MEGF11: variants seen among roughly 807,000 people sequenced by gnomAD.
MEGF11 encodes multiple epidermal growth factor-like domains protein 11.
MEGF11 carries 126 observed loss-of-function variants against 146.6 expected under a neutral mutation model. The observed-to-expected ratio is 0.86, with a 90% CI of 0.74 to 1.00. MEGF11 has a LOEUF of 1.00. Ranked by LOEUF, MEGF11 falls within the 50% of genes least tolerant of loss-of-function variation. MEGF11 has a pLI of 0.00. For missense variants in MEGF11, 1,509 were observed against 1,521.2 expected (o/e 0.99, Z 0.13); for synonymous variants, 532 against 583.4 (o/e 0.91, Z 1.27).
chr15:66,070,104 G>C (rs1261333719), intron 5 of MEGF11, among the ~76,000 whole-genome samples: 6 of 152,374 alleles, frequency 3.9e-5, no homozygotes, highest in African/African-American at 1.4e-4. Flanking sequence ...AAAGACTGGA[G>C]TGAAAGTCAC....
intron 7 of MEGF11, among the ~76,000 whole-genome samples, chr15:65,972,943 C>A (rs1042566547): frequency 6.6e-6 from 1 of 152,076 alleles, no homozygotes; most frequent in African/African-American, 2.4e-5. Flanking sequence ...CATAGAGAAA[C>A]CCCGTCTCTA....
chr15:66,159,720 GTGGTACCTTCTGGGGACCTTT>G (rs1187772447), intron 1 of MEGF11, among the ~76,000 whole-genome samples: 20 of 152,184 alleles, frequency 1.3e-4, no homozygotes, highest in Admixed American at 1.3e-3. Context: ...TCTTGGTGCA[GTGGTACCTTCTGGGGACCTTT>G]TGGGGAAGGG....
At chr15:65,997,834 T>C (rs2141816290) in intron 5 of MEGF11, among the ~76,000 whole-genome samples, 1 of 152,254 alleles carries the variant, frequency 6.6e-6, no homozygotes, top group South Asian at 2.1e-4. Flanking sequence ...TAGAAAACAA[T>C]GAGAGGGACT....
At chr15:66,249,004 T>C in intron 1 of MEGF11, among the ~76,000 whole-genome samples, 1 of 152,248 alleles carries the variant, frequency 6.6e-6, no homozygotes, top group East Asian at 1.9e-4. Flanking sequence ...CTTTTGGGTC[T>C]AATTAACACA....
chr15:66,185,003 T>C (rs2090657937), intron 1 of MEGF11, among the ~76,000 whole-genome samples: 1 of 152,164 alleles, frequency 6.6e-6, no homozygotes, highest in Non-Finnish European at 1.5e-5. Context: ...AAGTGTTTCA[T>C]TCCTGCTTGT....
At chr15:66,131,258 C>T (rs1014364411) in intron 1 of MEGF11, among the ~76,000 whole-genome samples, 2 of 152,252 alleles carry the variant, frequency 1.3e-5, no homozygotes, top group Non-Finnish European at 2.9e-5. Context: ...GTGTTGTCAG[C>T]CCACATGGCC....
At chr15:66,149,905 A>C (rs1161365710) in intron 1 of MEGF11, among the ~76,000 whole-genome samples, 2 of 152,238 alleles carry the variant, frequency 1.3e-5, no homozygotes, top group Non-Finnish European at 2.9e-5. Flanking sequence ...ATCACTCAGC[A>C]CTGGGCTCTT....
chr15:66,137,655 G>T (rs967831065), intron 1 of MEGF11, among the ~76,000 whole-genome samples: 1 of 150,768 alleles, frequency 6.6e-6, no homozygotes, highest in African/African-American at 2.4e-5. Flanking sequence ...CTGGGCTTAA[G>T]AGAGCCTCCC....
chr15:66,130,977 T>G (rs1240767961), intron 1 of MEGF11, among the ~76,000 whole-genome samples: 1 of 152,188 alleles, frequency 6.6e-6, no homozygotes, highest in African/African-American at 2.4e-5. Context: ...GTTAACATAT[T>G]GGGCACCATC....
At chr15:65,912,287 T>A (rs910028404) in intron 20 of MEGF11, 87 bp from the exon 21 acceptor site, 25 of 798,842 alleles carry the variant, frequency 3.1e-5, no homozygotes, top group Non-Finnish European at 4.2e-5. Flanking sequence ...GCTGGGAGCC[T>A]TGAGAGAGCC....
chr15:66,230,547 T>C (rs1376885582), intron 1 of MEGF11, among the ~76,000 whole-genome samples: 1 of 152,202 alleles, frequency 6.6e-6, no homozygotes, highest in East Asian at 1.9e-4. Flanking sequence ...ACTTTAGGAA[T>C]AAGAATAATA....
intron 1 of MEGF11, among the ~76,000 whole-genome samples, chr15:66,170,114 G>A (rs1419768365): frequency 3.3e-5 from 5 of 152,170 alleles, no homozygotes; most frequent in African/African-American, 1.2e-4. Context: ...ACTAAAGACA[G>A]AATAACCTCT....
At chr15:66,196,103 C>T (rs1163281226) in intron 1 of MEGF11, among the ~76,000 whole-genome samples, 1 of 152,106 alleles carries the variant, frequency 6.6e-6, no homozygotes, top group African/African-American at 2.4e-5. Flanking sequence ...GCCAGTATGG[C>T]TGGAACCGGG....
Position 65,970,709 on chromosome 15 carries a change from A to G in MEGF11, c.763-20T>C, listed in dbSNP as rs1748439007. ...TGCTCCCTAAAAGAAAGGTGGGAAG[A>G]CATGCATGGCGGTGCTCCAGAAATG... On this transcript the variant is annotated intron_variant, in intron 7 of 25. Transcript: ENST00000395614. The G allele has an allele frequency of 1.2e-6, 2 of 1,600,968 alleles. No homozygotes were observed. The highest frequency in any genetic ancestry group is 2.7e-5 in the African/African-American group (2 of 74,662).
In MEGF11 at chr15:66,138,056, C is replaced by G. The variant is rs528093792; in HGVS notation, c.-8-9645G>C. On this transcript the variant is annotated intron_variant, in intron 1 of 25. Transcript: ENST00000395614. ...CCAACCTGCGTGAGATGGCAAGATC[C>G]CATCTTAAAAAATTTTTTTAACCAC... Among the ~76,000 whole-genome samples, 3 of 152,100 alleles carry G rather than the reference C, an allele frequency of 2.0e-5. No homozygotes were observed. In the East Asian group the frequency reaches 5.8e-4, roughly 29 times the overall value.
chr15:66,040,645 G>A (rs1240898620), intron 5 of MEGF11, among the ~76,000 whole-genome samples: 4 of 152,142 alleles, frequency 2.6e-5, no homozygotes, highest in Non-Finnish European at 5.9e-5. Flanking sequence ...GTGCTAAATG[G>A]GGAGGGTGAA....
chr15:65,909,526 C>T (rs11071853), intron 22 of MEGF11, among the ~76,000 whole-genome samples: 9,369 of 152,180 alleles, frequency 0.062, 418 homozygotes, highest in Non-Finnish European at 0.092. Context: ...GGTTTTCTCC[C>T]TTATGGTCCC....
chr15:66,033,058 G>A (rs1441320259), intron 5 of MEGF11, among the ~76,000 whole-genome samples: 1 of 127,026 alleles, frequency 7.9e-6, no homozygotes. Flanking sequence ...TCCAGCCTGG[G>A]TGACAGAGTG....
At chr15:66,056,843 C>G (rs1237295643) in intron 5 of MEGF11, among the ~76,000 whole-genome samples, 1 of 152,208 alleles carries the variant, frequency 6.6e-6, no homozygotes, top group Non-Finnish European at 1.5e-5. Flanking sequence ...TCCCCCTTCA[C>G]CCTGTCATTC....
Sources: gnomAD v4.1 joint callset for allele counts (sites outside exome capture counted in the v4.1 genomes callset) on GRCh38, gnomAD v4.1.1 for gene constraint, MANE v1.5 for transcripts, NCBI Gene and HGNC (gene_info 2026-07-23, HGNC 2026-07-21) for gene names.